DAB2IP: variants seen among roughly 807,000 people sequenced by gnomAD.
The protein encoded by DAB2IP is DAB2 interacting protein.
In DAB2IP, 28 loss-of-function variants were observed where a neutral mutation model predicts 107.2. The ratio of observed to expected loss-of-function variants is 0.26; its 90% CI spans 0.19 to 0.36. The LOEUF (loss-of-function observed/expected upper bound fraction) is 0.36. DAB2IP is among the 10% of genes least tolerant of loss of function. The probability of loss-of-function intolerance (pLI) is 1.00; values close to 1 mark genes in which losing one functional copy is unlikely to be tolerated. For synonymous variants in DAB2IP, 755 were observed against 706.4 expected, an observed-to-expected ratio of 1.07 and a Z score of -1.09; for missense variants, 1,400 against 1,644.7, an observed-to-expected ratio of 0.85 and a Z score of 2.57.
chr9:121,703,761 G>T (rs1829909610), intron 3 of DAB2IP, among the ~76,000 whole-genome samples: 1 of 152,144 alleles, frequency 6.6e-6, no homozygotes, highest in Non-Finnish European at 1.5e-5. Flanking sequence ...ATATTGGTAG[G>T]GTTAAGTCAC....
intron 2 of DAB2IP, among the ~76,000 whole-genome samples, chr9:121,679,693 CAG>C (rs1191731820): frequency 6.6e-6 from 1 of 151,974 alleles, no homozygotes; most frequent in Non-Finnish European, 1.5e-5. Context: ...GTGGCAGGAA[CAG>C]AGAGTGTGCA....
At chr9:121,672,930 A>G (rs1041047608) in intron 1 of DAB2IP, among the ~76,000 whole-genome samples, 6 of 152,216 alleles carry the variant, frequency 3.9e-5, no homozygotes, top group African/African-American at 7.2e-5. Flanking sequence ...ATTAGAAAAG[A>G]TTTGCTGCAA....
chr9:121,763,425 C>G (rs1834039535), intron 6 of DAB2IP, 80 bp from the exon 7 acceptor site: 1 of 1,519,216 alleles, frequency 6.6e-7, no homozygotes, highest in African/African-American at 1.4e-5. Flanking sequence ...GCCAGGACTT[C>G]TCTGGCTAGG....
chr9:121,747,318 C>G (rs1292430254), intron 3 of DAB2IP, among the ~76,000 whole-genome samples: 1 of 151,290 alleles, frequency 6.6e-6, no homozygotes, highest in African/African-American at 2.4e-5. Context: ...ACCACTCACC[C>G]TCGTCAATGA....
At chr9:121,783,950 A>G in exon 16 of DAB2IP, 2 of 248,234 alleles carry the variant, frequency 8.1e-6, no homozygotes, top group South Asian at 1.4e-4. Flanking sequence ...CAGCAGAGCC[A>G]GGGCAGGGCG....
At chr9:121,763,915 C>A in intron 8 of DAB2IP, 36 bp downstream of exon 8, 1 of 1,606,016 alleles carries the variant, frequency 6.2e-7, no homozygotes, top group Non-Finnish European at 8.5e-7. Flanking sequence ...ACCCTGTCGC[C>A]TTCCCCATCC....
intron 3 of DAB2IP, among the ~76,000 whole-genome samples, chr9:121,715,097 C>A (rs569270184): frequency 4.3e-4 from 66 of 152,336 alleles, no homozygotes; most frequent in African/African-American, 1.5e-3. Context: ...AAGGGGCATG[C>A]CCCGTTGCTC....
At chr9:121,674,016 C>T (rs902753588) in intron 1 of DAB2IP, among the ~76,000 whole-genome samples, 7 of 152,170 alleles carry the variant, frequency 4.6e-5, no homozygotes, top group African/African-American at 9.7e-5. Context: ...CTTATGAAGG[C>T]GTGGGCAGGC....
intron 3 of DAB2IP, among the ~76,000 whole-genome samples, chr9:121,716,463 C>T (rs112798752): frequency 0.024 from 3,662 of 152,298 alleles, 157 homozygotes; most frequent in African/African-American, 0.084. Flanking sequence ...CCCTTCCTGG[C>T]GAGAGGCTAA....
chr9:121,607,178 C>T (rs1213477492), intron 1 of DAB2IP, among the ~76,000 whole-genome samples: 3 of 152,172 alleles, frequency 2.0e-5, no homozygotes, highest in South Asian at 4.1e-4. Context: ...TTGTAGGTGA[C>T]AGTGGCTGAT....
At chr9:121,603,479 G>T (rs948385393) in intron 1 of DAB2IP, among the ~76,000 whole-genome samples, 5 of 152,334 alleles carry the variant, frequency 3.3e-5, no homozygotes, top group South Asian at 2.1e-4. Context: ...CTGCAGTGAC[G>T]TGTCCAAAGC....
chr9:121,738,691 G>A (rs561946528), intron 3 of DAB2IP, among the ~76,000 whole-genome samples: 2 of 152,240 alleles, frequency 1.3e-5, no homozygotes, highest in African/African-American at 4.8e-5. Flanking sequence ...GGTCCCCAGG[G>A]TTAGGGAGAG....
At chr9:121,681,640 CT>C (rs1484562587) in intron 2 of DAB2IP, among the ~76,000 whole-genome samples, 1 of 152,236 alleles carries the variant, frequency 6.6e-6, no homozygotes, top group East Asian at 1.9e-4. Context: ...AATTCTTTAG[CT>C]GGTGTCACTC....
intron 2 of DAB2IP, among the ~76,000 whole-genome samples, chr9:121,685,994 G>A (rs1206342043): frequency 6.6e-6 from 1 of 152,204 alleles, no homozygotes. Context: ...AGGAGTATGA[G>A]GTCCTCAGCA....
chr9:121,670,975 A>AC (rs546706296), intron 1 of DAB2IP, among the ~76,000 whole-genome samples: 24 of 152,110 alleles, frequency 1.6e-4, no homozygotes, highest in African/African-American at 5.3e-4. Flanking sequence ...ACATGGTGAA[A>AC]CCCCGTCTCT....
chr9:121,668,743 C>A (rs1183052994), intron 1 of DAB2IP, among the ~76,000 whole-genome samples: 1 of 152,058 alleles, frequency 6.6e-6, no homozygotes, highest in African/African-American at 2.4e-5. Context: ...CCATTCATAG[C>A]CCGTCCCCTT....
At chr9:121,638,923 T>C (rs1443747865) in intron 1 of DAB2IP, among the ~76,000 whole-genome samples, 7 of 151,932 alleles carry the variant, frequency 4.6e-5, no homozygotes. Context: ...GTGGGAATCA[T>C]GGGAGCAAAG....
exon 16 of DAB2IP, chr9:121,784,851 C>T (rs1294424576): frequency 6.5e-6 from 1 of 152,682 alleles, no homozygotes; most frequent in Non-Finnish European, 1.5e-5. Flanking sequence ...ACTGGGGTGC[C>T]TTCACTGGGC....
At position 121,702,306 on chromosome 9, in the gene DAB2IP, G is replaced by A. The variant is rs748718104; in HGVS notation, c.362+2848G>A. ...AAAAGGAGTCGGTTTCAGGGGTGGG[G>A]ATGCCGAACCTGGCTGGTTGGGATT... On this transcript the variant is annotated intron_variant, in intron 3 of 15. Transcript: ENST00000408936. This position sits in a 1 kb window ranked among gnomAD's most constrained non-coding sequence, Gnocchi z 4.5. Among the ~76,000 whole-genome samples the A allele has an allele frequency of 1.3e-5, 2 of 152,166 alleles. No individual in the cohort carries two copies. Among genetic ancestry groups the A allele is most frequent in the Non-Finnish European group, 2.9e-5 (2 of 68,036 alleles).
Sources: allele counts gnomAD v4.1 joint callset (sites outside exome capture counted in the v4.1 genomes callset), GRCh38; gene constraint gnomAD v4.1.1; non-coding constraint Gnocchi (gnomAD v3.1); transcripts MANE v1.5; gene names NCBI Gene and HGNC (gene_info 2026-07-23, HGNC 2026-07-21).